MDFIC: variants seen among roughly 807,000 people sequenced by gnomAD.
MDFIC encodes MyoD family inhibitor domain containing.
In MDFIC, 17 loss-of-function variants were observed where a neutral mutation model predicts 23.2. That is an observed-to-expected ratio of 0.73 (90% CI 0.50 to 1.10). The LOEUF (loss-of-function observed/expected upper bound fraction) is 1.10, where lower values mean the gene tolerates loss of function less well. Among genes scored for constraint, MDFIC ranks in the 50% least tolerant of loss-of-function variants. MDFIC has a pLI of 0.00. For missense variants in MDFIC, 356 were observed against 316.6 expected, an observed-to-expected ratio of 1.12 and a Z score of -0.95; for synonymous variants, 120 against 115.2, an observed-to-expected ratio of 1.04 and a Z score of -0.27.
rs187923513 is a variant in MDFIC at position 114,927,443 on chromosome 7, T to G, written c.94+4316T>G. On this transcript the variant is annotated intron_variant, in intron 2 of 4. Coordinates refer to ENST00000393486, the MANE Select transcript of MDFIC (RefSeq NM_001166345.3). ...AACTCTCTAATAATCCTCTCTAAGA[T>G]TTTTTGTCATACGCTTCAATTCATC... 1.7e-4 allele frequency among the ~76,000 whole-genome samples: 26 copies of G among 152,048 alleles called. No individual in the cohort carries two copies. The East Asian group carries it at 4.3e-3, about 25-fold the overall frequency.
chr7:114,977,518 G>T (rs1793339486), intron 3 of MDFIC, among the ~76,000 whole-genome samples: 1 of 152,112 alleles, frequency 6.6e-6, no homozygotes, highest in Non-Finnish European at 1.5e-5. Context: ...CTAACAGCTT[G>T]CATTGATCAC....
intron 4 of MDFIC, among the ~76,000 whole-genome samples, chr7:115,001,998 G>A (rs1181170752): frequency 5.9e-5 from 9 of 152,044 alleles, no homozygotes; most frequent in African/African-American, 1.9e-4. Context: ...TTAGCCAGGT[G>A]TGGTGGTACA....
At chr7:114,992,886 C>G (rs2945008) in intron 4 of MDFIC, among the ~76,000 whole-genome samples, 3 of 152,156 alleles carry the variant, frequency 2.0e-5, no homozygotes, top group African/African-American at 7.2e-5. Context: ...GGAGGATTCC[C>G]TCTTTTTCTA....
chr7:114,957,230 T>A (rs10953770), intron 3 of MDFIC, among the ~76,000 whole-genome samples: 72,986 of 151,996 alleles, frequency 0.48, 17,877 homozygotes, highest in Non-Finnish European at 0.53. Context: ...TTATGTTATA[T>A]TTGAGTAAAG....
chr7:114,936,157 T>C (rs996842331), intron 2 of MDFIC, among the ~76,000 whole-genome samples: 3 of 152,172 alleles, frequency 2.0e-5, no homozygotes, highest in Admixed American at 1.3e-4. Flanking sequence ...CCAGGCACCC[T>C]GATTTTTGAT....
chr7:114,931,286 T>G (rs1443274122), intron 2 of MDFIC, among the ~76,000 whole-genome samples: 1 of 152,246 alleles, frequency 6.6e-6, no homozygotes, highest in Non-Finnish European at 1.5e-5. Context: ...ATGAATTTAA[T>G]TTCGTTTGTG....
rs202030253 is a variant in MDFIC at position 114,979,999 on chromosome 7, G to C, written c.493+218G>C. ...TGCTTTTAGATAATCGTCTTCTAGA[G>C]TGAATAGTCATTACTTTAAATATAA... On this transcript the variant is annotated intron_variant, in intron 4 of 4. Coordinates refer to ENST00000393486, the MANE Select transcript of MDFIC (RefSeq NM_001166345.3). The C allele has an allele frequency of 6.2e-5, 38 of 613,508 alleles. No homozygotes were observed. In the East Asian group the frequency reaches 1.1e-3, roughly 18 times the overall value. The allele number at this position is 613,508 out of a possible 1,614,324, so 38.0% of individuals were successfully genotyped here. A position where few individuals can be genotyped will look rare whatever the true frequency, so the allele number is the denominator to read the frequency against.
intron 3 of MDFIC, among the ~76,000 whole-genome samples, chr7:114,956,352 C>T (rs998863274): frequency 7.6e-6 from 1 of 130,806 alleles, no homozygotes; most frequent in African/African-American, 2.8e-5. Context: ...TATATATACA[C>T]ACACACATAT....
chr7:114,999,391 C>T (rs2594445), intron 4 of MDFIC, among the ~76,000 whole-genome samples: 150,103 of 152,114 alleles, frequency 0.99, 74,090 homozygotes, highest in Middle Eastern at 1. Context: ...ATTATTATTC[C>T]TCCAAAATAC....
Position 115,016,169 on chromosome 7 carries a change from T to A in MDFIC, c.*234T>A. On this transcript the variant is annotated 3_prime_UTR_variant, in exon 5 of 5. Transcript: ENST00000393486. ...AATTTCTTAATATGTTACAATAACTTAGGGACATTTTGACACCCCCCTTCC... is the reference window on the plus strand; with the variant it reads ...AATTTCTTAATATGTTACAATAACTAAGGGACATTTTGACACCCCCCTTCC... 4.5e-6 allele frequency: 2 copies of A among 444,702 alleles called. No individual in the cohort carries two copies. The highest frequency in any genetic ancestry group is 6.3e-5 in the South Asian group (2 of 31,602). 27.5% of individuals were successfully genotyped at this position (444,702 alleles called of 1,614,324 possible). A position where few individuals can be genotyped will look rare whatever the true frequency, so the allele number is the denominator to read the frequency against.
At chr7:114,963,724 G>A (rs1793037751) in intron 3 of MDFIC, among the ~76,000 whole-genome samples, 1 of 152,120 alleles carries the variant, frequency 6.6e-6, no homozygotes, top group South Asian at 2.1e-4. Flanking sequence ...AAGAGTACAG[G>A]CACGTGCCAC....
intron 2 of MDFIC, among the ~76,000 whole-genome samples, chr7:114,931,215 G>T (rs974221145): frequency 6.6e-6 from 1 of 152,196 alleles, no homozygotes; most frequent in Non-Finnish European, 1.5e-5. Flanking sequence ...ATATTTTATA[G>T]ATTCTTCTTC....
Position 114,979,740 on chromosome 7 carries a change from T to C in MDFIC, c.452T>C (p.Val151Ala), listed in dbSNP as rs760775095. The part of the protein sequence containing the change: ...VNSDISKKSK[V>A]NAVFSQKTGS... ...AGCGATATCAGTAAGAAGAGCAAAG[T>C]AAATGCTGTCTTTTCCCAAAAGACA... Residue 151 changes from valine (V) to alanine (A), a missense_variant, in exon 4 of 5, where the codon GTA (valine) becomes GCA (alanine). Coordinates refer to ENST00000393486, the MANE Select transcript of MDFIC (RefSeq NM_001166345.3). The C allele has an allele frequency of 2.5e-6, 4 of 1,614,122 alleles. No homozygotes were observed. The highest frequency in any genetic ancestry group is 1.1e-5 in the South Asian group (1 of 91,092).
chr7:114,958,190 A>G (rs1792919379), intron 3 of MDFIC, among the ~76,000 whole-genome samples: 1 of 152,232 alleles, frequency 6.6e-6, no homozygotes, highest in African/African-American at 2.4e-5. Flanking sequence ...ATCATAAACT[A>G]AACTGTTCTT....
Position 114,960,055 on chromosome 7 carries a change from A to G in MDFIC, c.217+17658A>G, listed in dbSNP as rs184456689. Among the ~76,000 whole-genome samples, 14 of 152,274 alleles carry G rather than the reference A, an allele frequency of 9.2e-5. No homozygotes were observed. In the East Asian group the frequency reaches 2.5e-3, roughly 27 times the overall value. ...CTCTGTGATTCGGATACTAATCCTC[A>G]CTAAAACTCATTCACTGTGGGACAC... is the stretch of plus-strand genomic sequence containing the variant. On this transcript the variant is annotated intron_variant, in intron 3 of 4. Coordinates refer to ENST00000393486, the MANE Select transcript of MDFIC (RefSeq NM_001166345.3).
At chr7:115,010,383 A>C (rs983435082) in intron 4 of MDFIC, among the ~76,000 whole-genome samples, 1 of 149,858 alleles carries the variant, frequency 6.7e-6, no homozygotes, top group Non-Finnish European at 1.5e-5. Flanking sequence ...AAGACCCACC[A>C]AAAAAAAAAT....
At chr7:114,987,065 G>A (rs1278612113) in intron 4 of MDFIC, among the ~76,000 whole-genome samples, 1 of 152,118 alleles carries the variant, frequency 6.6e-6, no homozygotes, top group African/African-American at 2.4e-5. Context: ...GGAATAAAAG[G>A]AAGGGCAAAT....
chr7:115,016,077 CT>C lies in MDFIC; in HGVS notation c.*147del. 3 of 829,614 alleles carry C rather than the reference CT, an allele frequency of 3.6e-6. No individual in the cohort carries two copies. The highest frequency in any genetic ancestry group is 5.5e-6 in the Non-Finnish European group (3 of 543,248). 51.4% of individuals were successfully genotyped at this position (829,614 alleles called of 1,614,324 possible). On this transcript the variant is annotated 3_prime_UTR_variant, in exon 5 of 5. Transcript: ENST00000393486. The stretch of plus-strand genomic sequence containing the variant: ...ATTATTGTAAGTAATCTCTGAAAGC[CT>C]TTTTACTTTAACCAAATCTACATGG...
intron 4 of MDFIC, among the ~76,000 whole-genome samples, chr7:114,986,684 ACT>A (rs1793520669): frequency 6.6e-6 from 1 of 151,880 alleles, no homozygotes; most frequent in African/African-American, 2.4e-5. Flanking sequence ...TGTTCTCATA[ACT>A]CTCTTTGCAT....
Sources: allele counts gnomAD v4.1 joint callset (sites outside exome capture counted in the v4.1 genomes callset), GRCh38; gene constraint gnomAD v4.1.1; transcripts MANE v1.5; gene names NCBI Gene and HGNC (gene_info 2026-07-23, HGNC 2026-07-21).